The following SSBP2 variants were observed in gnomAD, a reference collection of about 807,000 sequenced individuals.
The protein encoded by SSBP2 is single stranded DNA binding protein 2.
Under a neutral mutation model 61.8 loss-of-function variants are expected in SSBP2, and 17 were observed. The ratio of observed to expected loss-of-function variants is 0.28; its 90% CI spans 0.19 to 0.41. SSBP2 has a LOEUF of 0.41. Ranked by LOEUF, SSBP2 falls within the 10% of genes least tolerant of loss-of-function variation. SSBP2 has a pLI of 1.00. For missense variants in SSBP2, 310 were observed against 458.7 expected, an observed-to-expected ratio of 0.68 and a Z score of 2.96; for synonymous variants, 139 against 141.3, an observed-to-expected ratio of 0.98 and a Z score of 0.12.
intron 6 of SSBP2, among the ~76,000 whole-genome samples, chr5:81,481,089 T>G (rs550261016): frequency 1.3e-3 from 194 of 152,338 alleles, no homozygotes; most frequent in Middle Eastern, 0.01. Context: ...TCACGACATC[T>G]GTAGTGACTT....
At chr5:81,563,113 C>T (rs942884143) in intron 4 of SSBP2, among the ~76,000 whole-genome samples, 1 of 152,126 alleles carries the variant, frequency 6.6e-6, no homozygotes, top group South Asian at 2.1e-4. Context: ...TTTCACACTA[C>T]CTGATTTCAA....
chr5:81,606,711 T>C (rs1744913194), intron 4 of SSBP2, among the ~76,000 whole-genome samples: 1 of 152,206 alleles, frequency 6.6e-6, no homozygotes, highest in African/African-American at 2.4e-5. Flanking sequence ...TTGCTACCTC[T>C]TGTATTTCTC....
intron 4 of SSBP2, among the ~76,000 whole-genome samples, chr5:81,578,423 A>G (rs75747258): frequency 0.011 from 1,743 of 152,086 alleles, 26 homozygotes; most frequent in African/African-American, 0.04. Context: ...TAATTAGGAA[A>G]AATTTTTACT....
chr5:81,487,313 T>C (rs1039618969), intron 6 of SSBP2, among the ~76,000 whole-genome samples: 1 of 152,182 alleles, frequency 6.6e-6, no homozygotes, highest in African/African-American at 2.4e-5. Flanking sequence ...GAGTAAAAAT[T>C]GTATTTTATT....
intron 4 of SSBP2, among the ~76,000 whole-genome samples, chr5:81,564,256 G>C (rs970430337): frequency 6.6e-6 from 1 of 152,128 alleles, no homozygotes; most frequent in Non-Finnish European, 1.5e-5. Context: ...GATGAGGATA[G>C]GGAGAAACTG....
chr5:81,641,404 C>T (rs917562537), intron 2 of SSBP2, among the ~76,000 whole-genome samples: 2 of 152,164 alleles, frequency 1.3e-5, no homozygotes, highest in Non-Finnish European at 2.9e-5. Context: ...TTTTTTACTA[C>T]ATAGTATTCA....
intron 10 of SSBP2, among the ~76,000 whole-genome samples, chr5:81,453,605 C>T (rs1414309926): frequency 1.3e-5 from 2 of 151,742 alleles, no homozygotes; most frequent in African/African-American, 2.4e-5. Flanking sequence ...TACAGGCGCC[C>T]GCCACCTCGC....
rs768714109 is a variant in SSBP2 at position 81,544,294 on chromosome 5, C to T, written c.283-30577G>A. ...CAACTCCTGACCTCGTGATCCGCCC[C>T]CCTCAGCCACCCAAGGTGCTTGGAT... On this transcript the variant is annotated intron_variant, in intron 4 of 16. Transcript: ENST00000320672. Among the ~76,000 whole-genome samples the T allele has an allele frequency of 5.9e-5, 9 of 152,228 alleles. No homozygotes were observed. The East Asian group carries it at 1.2e-3, about 20-fold the overall frequency.
rs143938289 is a variant in SSBP2, at chr5:81,560,516, T to G, written c.283-46799A>C. Among the ~76,000 whole-genome samples, 15 of 152,156 alleles carry G rather than the reference T, an allele frequency of 9.9e-5. No individual in the cohort carries two copies. The East Asian group carries it at 2.9e-3, about 29-fold the overall frequency. ...TTAGCAAGGTACATAGCAGAAGTAT[T>G]ATTTTAGACAGACACGGATAGAAAG... On this transcript the variant is annotated intron_variant, in intron 4 of 16. Coordinates refer to ENST00000320672, the MANE Select transcript of SSBP2 (RefSeq NM_012446.5).
At chr5:81,548,234 T>C (rs1771895060) in intron 4 of SSBP2, among the ~76,000 whole-genome samples, 1 of 152,138 alleles carries the variant, frequency 6.6e-6, no homozygotes, top group Non-Finnish European at 1.5e-5. Context: ...GCATATTCCA[T>C]GGGTTGTATA....
intron 1 of SSBP2, among the ~76,000 whole-genome samples, chr5:81,691,527 ACAG>A (rs201111618): frequency 0.013 from 1,932 of 152,128 alleles, 36 homozygotes; most frequent in African/African-American, 0.044. Context: ...CAAAACCTGA[ACAG>A]ACCAATAACA....
intron 1 of SSBP2, among the ~76,000 whole-genome samples, chr5:81,712,329 G>A (rs1754848671): frequency 6.6e-6 from 1 of 151,468 alleles, no homozygotes; most frequent in Non-Finnish European, 1.5e-5. Flanking sequence ...TTAGAAAAGG[G>A]AAAGGATCAT....
chr5:81,472,603 T>A (rs1183016705), intron 8 of SSBP2, among the ~76,000 whole-genome samples: 2 of 152,162 alleles, frequency 1.3e-5, no homozygotes, highest in Admixed American at 6.6e-5. Flanking sequence ...ATTTATTTAT[T>A]TATTATTTTT....
intron 4 of SSBP2, among the ~76,000 whole-genome samples, chr5:81,559,589 T>G (rs1772882878): frequency 6.6e-6 from 1 of 151,818 alleles, no homozygotes; most frequent in Non-Finnish European, 1.5e-5. Flanking sequence ...ATAATAGAAA[T>G]GAACTGCAAA....
intron 4 of SSBP2, among the ~76,000 whole-genome samples, chr5:81,536,188 T>C (rs1770787170): frequency 6.6e-6 from 1 of 152,154 alleles, no homozygotes; most frequent in South Asian, 2.1e-4. Context: ...GATTCCATTA[T>C]ATGCATATTA....
At chr5:81,514,911 A>G (rs899317946) in intron 4 of SSBP2, among the ~76,000 whole-genome samples, 4 of 152,002 alleles carry the variant, frequency 2.6e-5, no homozygotes, top group African/African-American at 9.7e-5. Context: ...TGAATGTCAA[A>G]ATTTTAAATT....
At chr5:81,434,841 A>T (rs1172571877) in intron 15 of SSBP2, among the ~76,000 whole-genome samples, 1 of 152,166 alleles carries the variant, frequency 6.6e-6, no homozygotes, top group Non-Finnish European at 1.5e-5. Context: ...AAAGCGAGTT[A>T]GTGACTGTGA....
intron 4 of SSBP2, among the ~76,000 whole-genome samples, chr5:81,570,187 G>A (rs1773733267): frequency 6.6e-6 from 1 of 152,086 alleles, no homozygotes; most frequent in African/African-American, 2.4e-5. Context: ...TTTGCTAACA[G>A]TTAACAAATA....
chr5:81,710,204 G>A (rs1407776873), intron 1 of SSBP2, among the ~76,000 whole-genome samples: 4 of 152,064 alleles, frequency 2.6e-5, no homozygotes, highest in Admixed American at 6.5e-5. Flanking sequence ...CAATTATAAT[G>A]GGTGTAAAGG....
Sources: allele counts gnomAD v4.1 joint callset (sites outside exome capture counted in the v4.1 genomes callset), GRCh38; gene constraint gnomAD v4.1.1; transcripts MANE v1.5; gene names NCBI Gene and HGNC (gene_info 2026-07-23, HGNC 2026-07-21).